The following JAKMIP3 variants were observed in gnomAD, a reference collection of about 807,000 sequenced individuals.
JAKMIP3 encodes Janus kinase and microtubule interacting protein 3, also known as janus kinase and microtubule-interacting protein 3.
A neutral mutation model predicts 118.5 loss-of-function variants in JAKMIP3; 58 were observed. The ratio of observed to expected loss-of-function variants is 0.49; its 90% CI spans 0.40 to 0.61. JAKMIP3 has a LOEUF of 0.61. Among genes scored for constraint, JAKMIP3 ranks in the 20% least tolerant of loss-of-function variants. The probability of loss-of-function intolerance (pLI) is 0.00; values close to 1 mark genes in which losing one functional copy is unlikely to be tolerated. For synonymous variants in JAKMIP3, 486 were observed against 451.2 expected, an observed-to-expected ratio of 1.08 and a Z score of -0.98; for missense variants, 950 against 1,109.0, an observed-to-expected ratio of 0.86 and a Z score of 2.04.
intron 1 of JAKMIP3, among the ~76,000 whole-genome samples, chr10:132,081,851 C>T (rs532614425): frequency 1.1e-4 from 16 of 152,122 alleles, no homozygotes; most frequent in Non-Finnish European, 2.1e-4. Flanking sequence ...GAGCAGCCCT[C>T]ATCGGCCTCA....
At position 132,133,415 on chromosome 10, in the gene JAKMIP3, T is replaced by TAG. The variant is rs2051040683; in HGVS notation, c.739_740dup (p.Asp247GlufsTer57). 1 of 1,596,362 alleles carries TAG rather than the reference T, an allele frequency of 6.3e-7. No homozygotes were observed. Among genetic ancestry groups the TAG allele is most frequent in the Non-Finnish European group, 8.5e-7 (1 of 1,171,846 alleles). On this transcript the variant is annotated frameshift_variant, in exon 4 of 24. Coordinates refer to ENST00000684848, the MANE Select transcript of JAKMIP3 (RefSeq NM_001323087.2). LOFTEE classifies it high-confidence loss of function. ...AGACTGCAGCTCCAAAAAGAGGCTC[T>TAG]AGATGAGCAGCTGTCCCAGGTCCGA...
At chr10:132,135,764 C>T (rs1476131122) in intron 5 of JAKMIP3, among the ~76,000 whole-genome samples, 166 bp from the exon 6 acceptor site, 1 of 151,774 alleles carries the variant, frequency 6.6e-6, no homozygotes, top group Non-Finnish European at 1.5e-5. Context: ...GTGGGTTCAC[C>T]CGGGCGCTGG....
intron 1 of JAKMIP3, among the ~76,000 whole-genome samples, chr10:132,051,445 C>G (rs1034516618): frequency 3.9e-5 from 6 of 152,042 alleles, no homozygotes; most frequent in South Asian, 2.1e-4. Flanking sequence ...ACCTGCCTGT[C>G]TTTGTGGGTT....
At chr10:132,177,395 G>C (rs560539258) in intron 23 of JAKMIP3, among the ~76,000 whole-genome samples, 2 of 152,252 alleles carry the variant, frequency 1.3e-5, no homozygotes, top group Non-Finnish European at 2.9e-5. Context: ...TGTGTGGGGG[G>C]AGTGTGCCTG....
Position 132,145,580 on chromosome 10 carries a change from G to C in JAKMIP3, c.1749G>C (p.Lys583Asn). The change falls in exon 13 of 24, where the codon AAG becomes AAC. Residue 583 changes from lysine (K) to asparagine (N), a missense_variant and splice_region_variant. Physicochemically the swap from Lys to Asn is moderately conservative, Grantham distance 94. Transcript: ENST00000684848. ...GGAGAAATCAAGAGCTTGTGGAAAA[G>C]GTGAGCCCCGAACCCCTGGAGGCCC... The part of the protein sequence containing the change: ...LYRRNQELVE[K>N]IKQMETEEAR... 1 of 1,561,072 alleles carries C rather than the reference G, an allele frequency of 6.4e-7. No homozygotes were observed. The highest frequency in any genetic ancestry group is 8.7e-7 in the Non-Finnish European group (1 of 1,152,704).
chr10:132,042,184 C>CTCGCTCCTTCCTTCCT (rs1554909340), intron 1 of JAKMIP3, among the ~76,000 whole-genome samples: 81 of 132,190 alleles, frequency 6.1e-4, no homozygotes, highest in African/African-American at 2.3e-3. Flanking sequence ...TGCTCGCTCG[C>CTCGCTCCTTCCTTCCT]TCCTTCCTTC....
At chr10:132,173,340 C>A (rs77923721) in intron 23 of JAKMIP3, among the ~76,000 whole-genome samples, 1 of 150,134 alleles carries the variant, frequency 6.7e-6, no homozygotes, top group African/African-American at 2.5e-5. Flanking sequence ...GTTTGTGACA[C>A]TGGCGGTAGC....
chr10:132,180,788 T>TGTGTGCGC (rs1491365450), intron 23 of JAKMIP3, among the ~76,000 whole-genome samples: 2 of 10,726 alleles, frequency 1.9e-4, no homozygotes, highest in East Asian at 0.019. Flanking sequence ...TGTGTGCGCG[T>TGTGTGCGC]ATGCATGTGC....
chr10:132,167,044 CA>C lies in JAKMIP3; in HGVS notation c.*12del. On this transcript the variant is annotated 3_prime_UTR_variant, in exon 22 of 24. Coordinates refer to ENST00000684848, the MANE Select transcript of JAKMIP3 (RefSeq NM_001323087.2). The stretch of plus-strand genomic sequence containing the variant: ...ATTCTCTGGTCATAGTCCGTCTTGG[CA>C]CCCTGACGTGGTGAGTATTTCGTTG... 1 of 1,548,146 alleles carries C rather than the reference CA, an allele frequency of 6.5e-7. No homozygotes were observed. Among genetic ancestry groups the C allele is most frequent in the African/African-American group, 1.4e-5 (1 of 73,060 alleles).
At chr10:132,122,040 T>C (rs553155683) in intron 3 of JAKMIP3, among the ~76,000 whole-genome samples, 3 of 152,236 alleles carry the variant, frequency 2.0e-5, no homozygotes, top group African/African-American at 7.2e-5. Context: ...GTCTGTTTTG[T>C]TCACTACTCA....
At position 132,139,401 on chromosome 10, in the gene JAKMIP3, AGT is replaced by A. The variant is rs1337057173; in HGVS notation, c.1345-1045_1345-1044del. 1.2e-4 allele frequency among the ~76,000 whole-genome samples: 9 copies of A among 77,078 alleles called. No individual in the cohort carries two copies. In the East Asian group the frequency reaches 2.2e-3, roughly 19 times the overall value. The allele number at this position is 77,078 out of a possible 152,430, so 50.6% of individuals were successfully genotyped here. ...GAGTATGTGAGTGTATGAGTATGTG[AGT>A]GTGTATGTGTGAGTGTGTGTGTGTG... On this transcript the variant is annotated intron_variant, in intron 9 of 23. Coordinates refer to ENST00000684848, the MANE Select transcript of JAKMIP3 (RefSeq NM_001323087.2).
intron 20 of JAKMIP3, 150 bp from the exon 21 acceptor site, chr10:132,164,520 A>G: frequency 3.2e-6 from 2 of 626,520 alleles, no homozygotes. Flanking sequence ...AGTGCAGCAA[A>G]GGCTTGTGTC....
chr10:132,057,848 C>CGAG (rs1225470183), intron 1 of JAKMIP3, among the ~76,000 whole-genome samples: 1 of 152,224 alleles, frequency 6.6e-6, no homozygotes, highest in African/African-American at 2.4e-5. Flanking sequence ...AGTGTGTTCT[C>CGAG]TGCAGTGGTT....
chr10:132,172,457 G>A (rs956036795), intron 23 of JAKMIP3, among the ~76,000 whole-genome samples: 1 of 152,024 alleles, frequency 6.6e-6, no homozygotes, highest in Non-Finnish European at 1.5e-5. Flanking sequence ...CCCGATCTCC[G>A]CACCCGTTGG....
chr10:132,068,189 C>T (rs1363429523), intron 1 of JAKMIP3, among the ~76,000 whole-genome samples: 2 of 146,418 alleles, frequency 1.4e-5, no homozygotes, highest in African/African-American at 5.1e-5. Context: ...GGACTGTGGG[C>T]TTCCATGTGG....
intron 12 of JAKMIP3, 81 bp from the exon 13 acceptor site, chr10:132,145,437 T>G (rs1211107024): frequency 7.6e-7 from 1 of 1,318,898 alleles, no homozygotes; most frequent in Middle Eastern, 2.4e-4. Context: ...TGGTCTTTGG[T>G]GTTCTGCCAC....
chr10:132,043,058 C>T (rs147600656), intron 1 of JAKMIP3, among the ~76,000 whole-genome samples: 1 of 152,042 alleles, frequency 6.6e-6, no homozygotes. Flanking sequence ...CACACCACTG[C>T]ACTCCAGCCT....
chr10:132,093,694 T>C (rs544620732), intron 1 of JAKMIP3, among the ~76,000 whole-genome samples: 2 of 152,156 alleles, frequency 1.3e-5, no homozygotes, highest in East Asian at 3.9e-4. Flanking sequence ...CTGGGTGAGG[T>C]GATGCCTCGC....
intron 1 of JAKMIP3, among the ~76,000 whole-genome samples, chr10:132,051,039 G>A (rs1050701227): frequency 2.0e-4 from 29 of 148,356 alleles, no homozygotes; most frequent in African/African-American, 7.0e-4. Context: ...GGTTGGTCTT[G>A]TTAATTCCAG....
Sources: gnomAD v4.1 joint callset for allele counts (sites outside exome capture counted in the v4.1 genomes callset) on GRCh38, gnomAD v4.1.1 for gene constraint, MANE v1.5 for transcripts, NCBI Gene and HGNC (gene_info 2026-07-23, HGNC 2026-07-21) for gene names.